ZNF536: variants seen among roughly 807,000 people sequenced by gnomAD.
ZNF536 encodes zinc finger protein 536.
Under a neutral mutation model 84.5 loss-of-function variants are expected in ZNF536, and 13 were observed. The ratio of observed to expected loss-of-function variants is 0.15; its 90% CI spans 0.10 to 0.24. ZNF536 has a LOEUF of 0.24. Ranked by LOEUF, ZNF536 falls within the 10% of genes least tolerant of loss-of-function variation. ZNF536 has a pLI of 1.00. For missense variants in ZNF536, 1,536 were observed against 1,747.5 expected (o/e 0.88, Z 2.16); for synonymous variants, 811 against 742.5 (o/e 1.09, Z -1.50).
chr19:30,466,735 GGGAGGGAAGGAAGAAAGGAGGGAA>G (rs1212413565), intron 2 of ZNF536, among the ~76,000 whole-genome samples: 1 of 120,516 alleles, frequency 8.3e-6, no homozygotes, highest in Non-Finnish European at 1.7e-5. Flanking sequence ...GAAGGAGGGA[GGGAGGGAAGGAAGAAAGGAGGGAA>G]GGAAGGAAGG....
chr19:30,390,374 A>C (rs1424641395), intron 1 of ZNF536, among the ~76,000 whole-genome samples: 1 of 152,214 alleles, frequency 6.6e-6, no homozygotes, highest in Non-Finnish European at 1.5e-5. Flanking sequence ...CCCAAGTGAG[A>C]GTAGCATTAA....
At chr19:30,512,214 G>C (rs1042142955) in intron 2 of ZNF536, among the ~76,000 whole-genome samples, 6 of 152,108 alleles carry the variant, frequency 3.9e-5, no homozygotes, top group Non-Finnish European at 8.8e-5. Flanking sequence ...AATTTAAAAT[G>C]GTTGTTTTTC....
intron 1 of ZNF536, among the ~76,000 whole-genome samples, chr19:30,680,402 CT>C (rs2050921038): frequency 9.7e-6 from 1 of 103,264 alleles, no homozygotes; most frequent in Non-Finnish European, 1.8e-5. Flanking sequence ...TCCCTCCCCC[CT>C]CCCCCCACCC....
chr19:30,641,724 A>G (rs1210368424), intron 1 of ZNF536, among the ~76,000 whole-genome samples: 1 of 152,156 alleles, frequency 6.6e-6, no homozygotes, highest in Non-Finnish European at 1.5e-5. Context: ...TTTTTCACTT[A>G]ATTTTAAACC....
At chr19:30,392,001 A>G (rs943309834) in intron 1 of ZNF536, among the ~76,000 whole-genome samples, 2 of 152,094 alleles carry the variant, frequency 1.3e-5, no homozygotes, top group Admixed American at 6.5e-5. Flanking sequence ...CGCCAAAAAA[A>G]GTGTATTTTA....
intron 4 of ZNF536, chr19:30,554,575 C>G (rs913395268): frequency 7.2e-5 from 11 of 152,118 alleles, no homozygotes; most frequent in African/African-American, 2.7e-4. Flanking sequence ...CTTTTACGAG[C>G]TACTCAGTCT....
chr19:30,338,665 T>C (rs2047465782), intron 2 of ZNF536, among the ~76,000 whole-genome samples: 1 of 152,152 alleles, frequency 6.6e-6, no homozygotes. Context: ...CCCAGTTCCC[T>C]CATATCTGCA....
chr19:30,378,554 T>C (rs895461521), intron 1 of ZNF536, among the ~76,000 whole-genome samples: 2 of 152,178 alleles, frequency 1.3e-5, no homozygotes, highest in African/African-American at 4.8e-5. Context: ...CACATGCTAG[T>C]GGTGCTGAAT....
At chr19:30,681,719 C>A (rs541109195) in intron 1 of ZNF536, among the ~76,000 whole-genome samples, 3 of 152,162 alleles carry the variant, frequency 2.0e-5, no homozygotes, top group Admixed American at 6.5e-5. Flanking sequence ...AGGCTGGTGC[C>A]GAGCAGCCTC....
chr19:30,644,916 A>C (rs1271292005), intron 1 of ZNF536, among the ~76,000 whole-genome samples: 1 of 152,134 alleles, frequency 6.6e-6, no homozygotes, highest in Non-Finnish European at 1.5e-5. Flanking sequence ...TGGTATTTCT[A>C]GTTCTAGATC....
intron 1 of ZNF536, among the ~76,000 whole-genome samples, chr19:30,631,691 A>C (rs918991176): frequency 6.6e-5 from 10 of 152,126 alleles, no homozygotes; most frequent in Admixed American, 5.9e-4. Flanking sequence ...CTGGGTTACC[A>C]GTGACGGGGG....
chr19:30,694,152 T>C (rs1324008720), intron 1 of ZNF536, among the ~76,000 whole-genome samples: 1 of 152,188 alleles, frequency 6.6e-6, no homozygotes, highest in African/African-American at 2.4e-5. Context: ...CCCTTGTGGC[T>C]TTCCTGGTGC....
intron 1 of ZNF536, among the ~76,000 whole-genome samples, chr19:30,241,752 C>G (rs2023958251): frequency 6.6e-6 from 1 of 152,210 alleles, no homozygotes; most frequent in Non-Finnish European, 1.5e-5. Flanking sequence ...CTGGACCTGA[C>G]CCCTGTGATT....
At chr19:30,567,451 T>G (rs2046396175) in intron 1 of ZNF536, among the ~76,000 whole-genome samples, 1 of 152,304 alleles carries the variant, frequency 6.6e-6, no homozygotes, top group Non-Finnish European at 1.5e-5. Context: ...CCTGAGTCCT[T>G]CCATGTCACA....
chr19:30,427,810 C>G (rs1270498916), intron 1 of ZNF536, among the ~76,000 whole-genome samples: 5 of 152,174 alleles, frequency 3.3e-5, no homozygotes, highest in African/African-American at 1.2e-4. Context: ...ACAGTTGAAA[C>G]AAGGCCACTT....
intron 2 of ZNF536, among the ~76,000 whole-genome samples, chr19:30,329,073 G>A (rs572643843): frequency 7.9e-5 from 12 of 152,132 alleles, no homozygotes; most frequent in Admixed American, 2.6e-4. Context: ...TGCAAATGTC[G>A]GTGTGTCAAG....
Position 30,324,024 on chromosome 19 carries a change from T to C in ZNF536, c.-119-28344T>C, listed in dbSNP as rs141312878. Among the ~76,000 whole-genome samples the C allele has an allele frequency of 3.5e-3, 533 of 151,942 alleles. 8 individuals carry two copies. The highest frequency in any genetic ancestry group is 0.012 in the African/African-American group (508 of 41,418). On this transcript the variant is annotated intron_variant, in intron 2 of 5. Coordinates refer to the ZNF536 transcript ENST00000585628. ...ACTCACCCATCATCCCATCCATCCA[T>C]CCACCCACCCATCCTCCATCCATCT... is the stretch of plus-strand genomic sequence containing the variant.
At chr19:30,297,187 A>G (rs1176741681) in intron 2 of ZNF536, among the ~76,000 whole-genome samples, 4 of 152,180 alleles carry the variant, frequency 2.6e-5, no homozygotes, top group Non-Finnish European at 5.9e-5. Context: ...TTCAACTTAA[A>G]TGAGATGCAT....
intron 2 of ZNF536, among the ~76,000 whole-genome samples, chr19:30,511,023 A>G (rs146064820): frequency 7.2e-4 from 109 of 152,086 alleles, no homozygotes; most frequent in African/African-American, 2.3e-3. Context: ...AGGAAATAAC[A>G]CTCTGAAGTG....
Sources: allele counts gnomAD v4.1 joint callset (sites outside exome capture counted in the v4.1 genomes callset), GRCh38; gene constraint gnomAD v4.1.1; transcripts MANE v1.5; gene names NCBI Gene and HGNC (gene_info 2026-07-23, HGNC 2026-07-21).